Variants in SOX5 observed in about 807,000 individuals in gnomAD.
SOX5 encodes the protein SRY-box transcription factor 5.
In SOX5, 9 loss-of-function variants were observed where a neutral mutation model predicts 92.0. The observed-to-expected ratio is 0.10, with a 90% CI of 0.06 to 0.17. The LOEUF (loss-of-function observed/expected upper bound fraction) is 0.17. Among genes scored for constraint, SOX5 ranks in the 10% least tolerant of loss-of-function variants. SOX5 has a pLI of 1.00. For missense variants in SOX5, 642 were observed against 944.5 expected, an observed-to-expected ratio of 0.68 and a Z score of 4.20; for synonymous variants, 344 against 336.3, an observed-to-expected ratio of 1.02 and a Z score of -0.25.
intron 9 of SOX5, among the ~76,000 whole-genome samples, chr12:23,594,200 GA>G (rs113314459): frequency 2.1e-3 from 304 of 144,526 alleles, no homozygotes; most frequent in Middle Eastern, 7.4e-3. Context: ...AATGAATCTG[GA>G]AAAAAAAAAA....
chr12:23,720,541 A>G (rs1278144427), intron 6 of SOX5, among the ~76,000 whole-genome samples: 1 of 152,122 alleles, frequency 6.6e-6, no homozygotes, highest in African/African-American at 2.4e-5. Flanking sequence ...ACAAATCCCA[A>G]TGATATGTTG....
At chr12:24,281,956 C>T (rs372950629) in intron 2 of SOX5, among the ~76,000 whole-genome samples, 4 of 114,750 alleles carry the variant, frequency 3.5e-5, no homozygotes, top group African/African-American at 1.5e-4. Flanking sequence ...CTGTGTTCCT[C>T]GATGCGATTT....
chr12:23,793,613 C>A (rs1391320586), intron 3 of SOX5, among the ~76,000 whole-genome samples: 1 of 152,122 alleles, frequency 6.6e-6, no homozygotes, highest in Non-Finnish European at 1.5e-5. Flanking sequence ...TTAGGGTAAG[C>A]AAGATCATGT....
chr12:24,547,011 G>A (rs886087395), intron 1 of SOX5, among the ~76,000 whole-genome samples: 8 of 151,938 alleles, frequency 5.3e-5, no homozygotes, highest in South Asian at 2.1e-4. Flanking sequence ...GAAGACACAC[G>A]CAACATTTAC....
At chr12:23,610,118 T>C (rs1293955574) in intron 8 of SOX5, among the ~76,000 whole-genome samples, 3 of 152,314 alleles carry the variant, frequency 2.0e-5, no homozygotes, top group Admixed American at 6.5e-5. Context: ...TTAGAATCAA[T>C]AGTATTAAAT....
chr12:23,849,449 G>C (rs1488161390), intron 2 of SOX5, among the ~76,000 whole-genome samples: 1 of 152,144 alleles, frequency 6.6e-6, no homozygotes, highest in Admixed American at 6.5e-5. Flanking sequence ...AACTGAGGCA[G>C]AGAGACTGAA....
At chr12:24,373,263 C>G (rs1956926800) in intron 1 of SOX5, among the ~76,000 whole-genome samples, 1 of 152,168 alleles carries the variant, frequency 6.6e-6, no homozygotes, top group Admixed American at 6.5e-5. Flanking sequence ...TAGTTGCTCC[C>G]TATCTCATTC....
chr12:24,526,115 A>G (rs1340017161), intron 1 of SOX5, among the ~76,000 whole-genome samples: 1 of 152,080 alleles, frequency 6.6e-6, no homozygotes, highest in East Asian at 1.9e-4. Context: ...CCCAAATGCT[A>G]GGATTACAGG....
intron 2 of SOX5, among the ~76,000 whole-genome samples, chr12:23,862,444 C>T (rs1416415790): frequency 3.3e-5 from 5 of 152,116 alleles, no homozygotes; most frequent in Non-Finnish European, 5.9e-5. Context: ...ATTTTGCCTA[C>T]GGAAAGCAAA....
At chr12:24,542,148 C>A (rs1202633340) in intron 1 of SOX5, among the ~76,000 whole-genome samples, 1 of 152,208 alleles carries the variant, frequency 6.6e-6, no homozygotes, top group Non-Finnish European at 1.5e-5. Context: ...CCTGCCTCCT[C>A]CAACCTCAAC....
At chr12:24,552,144 A>G (rs1953253531) in intron 1 of SOX5, among the ~76,000 whole-genome samples, 1 of 152,048 alleles carries the variant, frequency 6.6e-6, no homozygotes, top group Admixed American at 6.6e-5. Flanking sequence ...GAAGCATGTT[A>G]ATGTTTTATA....
rs185076322 is a variant in SOX5 at position 23,933,571 on chromosome 12, A to T, written c.38+15993T>A. Among the ~76,000 whole-genome samples, 3 of 151,824 alleles carry T rather than the reference A, an allele frequency of 2.0e-5. No individual in the cohort carries two copies. In the East Asian group the frequency reaches 5.8e-4, roughly 29 times the overall value. On this transcript the variant is annotated intron_variant, in intron 1 of 14. Coordinates refer to ENST00000451604, the MANE Select transcript of SOX5 (RefSeq NM_006940.6). The stretch of plus-strand genomic sequence containing the variant: ...ATTTTTAGGATGACTTTCAAAATTA[A>T]GTCAACCTGGAGGGCCCAGTGAGAT...
At chr12:24,169,952 T>C (rs1461080653) in intron 4 of SOX5, among the ~76,000 whole-genome samples, 2 of 152,184 alleles carry the variant, frequency 1.3e-5, no homozygotes, top group Non-Finnish European at 2.9e-5. Context: ...AGGTGTATTG[T>C]TGCCTGAACC....
At chr12:23,948,740 G>C (rs998268603) in intron 1 of SOX5, among the ~76,000 whole-genome samples, 1 of 151,984 alleles carries the variant, frequency 6.6e-6, no homozygotes, top group Non-Finnish European at 1.5e-5. Flanking sequence ...TGTACTTATA[G>C]GAACATTAAG....
intron 3 of SOX5, among the ~76,000 whole-genome samples, chr12:24,242,345 G>A (rs1965694898): frequency 6.6e-6 from 1 of 152,094 alleles, no homozygotes; most frequent in Non-Finnish European, 1.5e-5. Flanking sequence ...TGCCTGAAAG[G>A]TATTAAAATA....
chr12:23,599,128 C>T lies in SOX5; in HGVS notation c.1164+5259G>A, dbSNP rs150021461. On this transcript the variant is annotated intron_variant, in intron 9 of 14. Transcript: ENST00000451604. ...AAATAGGTTCCCTAATAGGAGTCAT[C>T]GGCACTGCTGATATTACTAACAGAA... 4.2e-3 allele frequency among the ~76,000 whole-genome samples: 632 copies of T among 152,286 alleles called. 6 individuals carry two copies. Among genetic ancestry groups the T allele is most frequent in the Middle Eastern group, 0.02 (6 of 294 alleles).
intron 3 of SOX5, among the ~76,000 whole-genome samples, chr12:24,240,983 C>A (rs537864575): frequency 4.3e-4 from 65 of 152,236 alleles, no homozygotes; most frequent in African/African-American, 1.4e-3. Flanking sequence ...ACAAGAGTTT[C>A]ATTTAAGTGT....
At chr12:24,101,996 A>T (rs1055170073) in intron 4 of SOX5, among the ~76,000 whole-genome samples, 1 of 152,180 alleles carries the variant, frequency 6.6e-6, no homozygotes, top group Admixed American at 6.5e-5. Flanking sequence ...TCCTTTAAGT[A>T]CATCTTTCAC....
chr12:24,170,686 T>A, intron 4 of SOX5, among the ~76,000 whole-genome samples: 1 of 152,198 alleles, frequency 6.6e-6, no homozygotes. Flanking sequence ...TTGTAATAGA[T>A]AAATTATCAA....
Sources: gnomAD v4.1 joint callset for allele counts (sites outside exome capture counted in the v4.1 genomes callset) on GRCh38, gnomAD v4.1.1 for gene constraint, MANE v1.5 for transcripts, NCBI Gene and HGNC (gene_info 2026-07-23, HGNC 2026-07-21) for gene names.